TDRD10: variants seen among roughly 807,000 people sequenced by gnomAD.
TDRD10 encodes tudor domain containing 10, also known as tudor domain-containing protein 10.
Under a neutral mutation model 48.0 loss-of-function variants are expected in TDRD10, and 40 were observed. The ratio of observed to expected loss-of-function variants is 0.83; its 90% CI spans 0.65 to 1.09. The LOEUF is 1.09. Among genes scored for constraint, TDRD10 ranks in the 50% least tolerant of loss-of-function variants. The pLI is 0.00. For missense variants in TDRD10, 378 were observed against 434.7 expected, an observed-to-expected ratio of 0.87 and a Z score of 1.16; for synonymous variants, 162 against 170.4, an observed-to-expected ratio of 0.95 and a Z score of 0.38.
intron 6 of TDRD10, among the ~76,000 whole-genome samples, chr1:154,528,931 T>G (rs1331611766): frequency 6.6e-6 from 1 of 152,238 alleles, no homozygotes; most frequent in East Asian, 1.9e-4. Flanking sequence ...TTACATTATA[T>G]ACACATAACT....
intron 6 of TDRD10, among the ~76,000 whole-genome samples, chr1:154,528,815 C>CA (rs58764443): frequency 6.6e-6 from 1 of 151,342 alleles, no homozygotes; most frequent in African/African-American, 2.4e-5. Flanking sequence ...GACTCTGTCT[C>CA]AAAAAAAAAG....
chr1:154,504,325 T>C (rs1693023714), intron 1 of TDRD10, among the ~76,000 whole-genome samples: 1 of 152,276 alleles, frequency 6.6e-6, no homozygotes, highest in East Asian at 1.9e-4. Context: ...AACACTGCTA[T>C]GAATATTTGT....
At chr1:154,539,233 A>G (rs57783436) in intron 6 of TDRD10, among the ~76,000 whole-genome samples, 28,889 of 152,148 alleles carry the variant, frequency 0.19, 2,980 homozygotes, top group South Asian at 0.23. Flanking sequence ...TTCCTGGTGT[A>G]GAAGAGGAAA....
Position 154,548,064 on chromosome 1 carries a change from C to A in TDRD10, c.*354C>A. 3.2e-6 allele frequency: 1 copy of A among 314,092 alleles called. No homozygotes were observed. The highest frequency in any genetic ancestry group is 5.9e-6 in the Non-Finnish European group (1 of 170,060). 19.5% of individuals were successfully genotyped at this position (314,092 alleles called of 1,614,324 possible). On this transcript the variant is annotated 3_prime_UTR_variant, in exon 13 of 13. Coordinates refer to ENST00000368482, the MANE Select transcript of TDRD10 (RefSeq NM_182499.4). Reference sequence around the variant, plus strand: ...ACAGATTCTGGATAATGGAGAAGCCCTCTGCTGGTTTTCCTGGCATTCCAT... The same window carrying A: ...ACAGATTCTGGATAATGGAGAAGCCATCTGCTGGTTTTCCTGGCATTCCAT...
intron 4 of TDRD10, among the ~76,000 whole-genome samples, chr1:154,517,090 C>A (rs116506598): frequency 2.0e-5 from 3 of 152,146 alleles, no homozygotes; most frequent in African/African-American, 7.2e-5. Context: ...GTTGGAGAAC[C>A]AGAGGTGTGA....
intron 4 of TDRD10, among the ~76,000 whole-genome samples, chr1:154,518,237 T>A (rs2149323053): frequency 6.6e-6 from 1 of 152,376 alleles, no homozygotes. Flanking sequence ...GCAGTGTTCA[T>A]ATTTTGGTGG....
intron 3 of TDRD10, 39 bp downstream of exon 3, chr1:154,507,359 C>A: frequency 1.2e-6 from 2 of 1,607,592 alleles, no homozygotes; most frequent in Non-Finnish European, 1.7e-6. Flanking sequence ...CTGGGACTCT[C>A]ATCCTACAAC....
intron 4 of TDRD10, among the ~76,000 whole-genome samples, chr1:154,511,541 A>T (rs9660786): frequency 0.59 from 89,041 of 150,698 alleles, 26,902 homozygotes; most frequent in East Asian, 0.76. Context: ...TACTAATAAT[A>T]CAAATAATAC....
chr1:154,514,678 TG>T lies in TDRD10; in HGVS notation c.142-5625del, dbSNP rs1219924454. The stretch of plus-strand genomic sequence containing the variant: ...TTACTGCCAGGGATCTTAGTTCATT[TG>T]TTTTTTTGTTTGTTTGTTTGTTTTT... On this transcript the variant is annotated intron_variant, in intron 4 of 12. Transcript: ENST00000368482. Among the ~76,000 whole-genome samples, 5 of 152,046 alleles carry T rather than the reference TG, an allele frequency of 3.3e-5. No individual in the cohort carries two copies. The South Asian group carries it at 1.0e-3, about 32-fold the overall frequency.
intron 6 of TDRD10, among the ~76,000 whole-genome samples, chr1:154,524,250 TC>T (rs1362860723): frequency 6.6e-6 from 1 of 152,060 alleles, no homozygotes; most frequent in Non-Finnish European, 1.5e-5. Flanking sequence ...CACTGCAACC[TC>T]CACCTCTTGG....
chr1:154,516,380 G>A (rs1693770104), intron 4 of TDRD10, among the ~76,000 whole-genome samples: 1 of 152,036 alleles, frequency 6.6e-6, no homozygotes, highest in South Asian at 2.1e-4. Flanking sequence ...AGGGATCGGG[G>A]CAGGGACAAG....
intron 4 of TDRD10, among the ~76,000 whole-genome samples, chr1:154,514,773 G>C (rs992062388): frequency 2.0e-5 from 3 of 151,768 alleles, no homozygotes; most frequent in Non-Finnish European, 4.4e-5. Context: ...CTGCAGCCTC[G>C]ACCTCCCGGG....
At chr1:154,509,909 C>A (rs372978798) in intron 4 of TDRD10, 10 of 974,958 alleles carry the variant, frequency 1.0e-5, no homozygotes, top group Non-Finnish European at 1.1e-5. Flanking sequence ...TCTCTTCCCC[C>A]CTCCCCAGTA....
At chr1:154,518,127 C>A (rs534935793) in intron 4 of TDRD10, among the ~76,000 whole-genome samples, 1 of 152,292 alleles carries the variant, frequency 6.6e-6, no homozygotes, top group African/African-American at 2.4e-5. Flanking sequence ...TCCCTTAAAC[C>A]ATGTGGTTGG....
chr1:154,517,037 G>A (rs1693807470), intron 4 of TDRD10, among the ~76,000 whole-genome samples: 1 of 152,216 alleles, frequency 6.6e-6, no homozygotes, highest in Non-Finnish European at 1.5e-5. Context: ...GCAGGAGGGT[G>A]GAAAGTGGTG....
chr1:154,547,745 G>C lies in TDRD10; in HGVS notation c.*35G>C. ...CCTCAGCATGTTCCCTCTCCTGTTT[G>C]CCACGGATCCAGAGGCCACCTGCCC... is the stretch of plus-strand genomic sequence containing the variant. On this transcript the variant is annotated 3_prime_UTR_variant, in exon 13 of 13. Coordinates refer to ENST00000368482, the MANE Select transcript of TDRD10 (RefSeq NM_182499.4). 1 of 1,612,220 alleles carries C rather than the reference G, an allele frequency of 6.2e-7. No homozygotes were observed. Among genetic ancestry groups the C allele is most frequent in the Non-Finnish European group, 8.5e-7 (1 of 1,179,720 alleles).
At chr1:154,543,725 C>T (rs965630696) in intron 8 of TDRD10, among the ~76,000 whole-genome samples, 2 of 152,140 alleles carry the variant, frequency 1.3e-5, no homozygotes, top group Admixed American at 1.3e-4. Context: ...GCTTCCTTTT[C>T]CTGAACTCTT....
In TDRD10 at chr1:154,542,745, G is replaced by A. The variant is rs779845457; in HGVS notation, c.427G>A (p.Ala143Thr). 16 of 1,613,572 alleles carry A rather than the reference G, an allele frequency of 9.9e-6. No individual in the cohort carries two copies. Among genetic ancestry groups the A allele is most frequent in the Admixed American group, 1.7e-5 (1 of 59,952 alleles). ...FGKTAAIIQL[A>T]PKAPVDLCET... The stretch of plus-strand genomic sequence containing the variant: ...CTGCTTTCTAGCTATTATACAGCTC[G>A]CTCCTAAAGCTCCTGTTGACCTGTG... Residue 143 changes from alanine to threonine, a missense_variant, in exon 8 of 13, where the codon GCT becomes ACT. By Grantham distance (58) the Ala-to-Thr change is moderately conservative. This residue lies in a region of TDRD10 where 310 missense variants were observed against 323.6 expected (regional missense o/e 0.96). Coordinates refer to ENST00000368482, the MANE Select transcript of TDRD10 (RefSeq NM_182499.4).
At chr1:154,511,754 A>G (rs1693487909) in intron 4 of TDRD10, among the ~76,000 whole-genome samples, 1 of 152,272 alleles carries the variant, frequency 6.6e-6, no homozygotes, top group Non-Finnish European at 1.5e-5. Flanking sequence ...AGGCTGAGGC[A>G]GGGGAATCAC....
Sources: allele counts gnomAD v4.1 joint callset (sites outside exome capture counted in the v4.1 genomes callset), GRCh38; gene constraint gnomAD v4.1.1; regional missense constraint gnomAD v4.1.1; transcripts MANE v1.5; gene names NCBI Gene and HGNC (gene_info 2026-07-23, HGNC 2026-07-21).